Variants in PBX3 observed in about 807,000 individuals in gnomAD.
The protein encoded by PBX3 is PBX homeobox 3, also known as pre-B-cell leukemia transcription factor 3.
In PBX3, 14 loss-of-function variants were observed where a neutral mutation model predicts 48.5. The ratio of observed to expected loss-of-function variants is 0.29; its 90% CI spans 0.19 to 0.45. The LOEUF (loss-of-function observed/expected upper bound fraction) is 0.45. Ranked by LOEUF, PBX3 falls within the 20% of genes least tolerant of loss-of-function variation. The pLI, the probability that PBX3 is intolerant of heterozygous loss-of-function variation, is 1.00. For synonymous variants in PBX3, 210 were observed against 200.3 expected (o/e 1.05, Z -0.41); for missense variants, 386 against 546.7 (o/e 0.71, Z 2.93).
chr9:125,771,624 C>A (rs1316099077), intron 2 of PBX3, among the ~76,000 whole-genome samples: 2 of 152,014 alleles, frequency 1.3e-5, no homozygotes, highest in Admixed American at 1.3e-4. Flanking sequence ...GATGTAAAAT[C>A]ATATCTTTTT....
chr9:125,800,502 C>A (rs1837907948), intron 2 of PBX3, among the ~76,000 whole-genome samples: 1 of 152,018 alleles, frequency 6.6e-6, no homozygotes, highest in Non-Finnish European at 1.5e-5. Context: ...ATTATTATAC[C>A]TATTTAGTAC....
intron 2 of PBX3, among the ~76,000 whole-genome samples, chr9:125,894,454 A>G (rs1031061020): frequency 6.6e-6 from 1 of 152,104 alleles, no homozygotes; most frequent in Non-Finnish European, 1.5e-5. Flanking sequence ...TGTTATTCCT[A>G]TTAAGATATG....
At chr9:125,945,352 T>TA (rs1842044388) in intron 5 of PBX3, among the ~76,000 whole-genome samples, 1 of 152,198 alleles carries the variant, frequency 6.6e-6, no homozygotes, top group South Asian at 2.1e-4. Context: ...TAATTATTGT[T>TA]ACGCAGTTTC....
At chr9:125,907,385 G>A (rs187958327) in intron 2 of PBX3, among the ~76,000 whole-genome samples, 6 of 152,038 alleles carry the variant, frequency 3.9e-5, no homozygotes, top group African/African-American at 1.4e-4. Flanking sequence ...TATACTTCAA[G>A]ATTATAATGT....
intron 2 of PBX3, among the ~76,000 whole-genome samples, chr9:125,793,969 G>T (rs1338420734): frequency 6.6e-6 from 1 of 152,134 alleles, no homozygotes; most frequent in East Asian, 1.9e-4. Context: ...ATAAACTTCT[G>T]TGTACCCAAT....
At chr9:125,836,172 G>A (rs567580600) in intron 2 of PBX3, among the ~76,000 whole-genome samples, 53 of 152,270 alleles carry the variant, frequency 3.5e-4, no homozygotes, top group Non-Finnish European at 6.8e-4. Flanking sequence ...TTGGCTGGGC[G>A]CGGTGGCTCA....
intron 2 of PBX3, among the ~76,000 whole-genome samples, chr9:125,874,195 G>A (rs1267188999): frequency 6.6e-6 from 1 of 152,020 alleles, no homozygotes; most frequent in African/African-American, 2.4e-5. Flanking sequence ...AATAAAACCA[G>A]TAGTTTAAAA....
Position 125,960,848 on chromosome 9 carries a change from C to T in PBX3, c.1008C>T (p.Ser336=), listed in dbSNP as rs200644689. ...CCAATTCGCCCACCACACCAAATTC[C>T]GGTGCGTACTGGGGGCTCGCTCCCC... The part of the protein sequence containing the change: ...NQTNSPTTPN[S]GSSGSFNLPN... Residue 336 remains serine, a splice_region_variant and synonymous_variant, in exon 6 of 9, where the codon TCC becomes TCT. Coordinates refer to ENST00000373489, the MANE Select transcript of PBX3 (RefSeq NM_006195.6). The T allele has an allele frequency of 1.4e-4, 227 of 1,613,656 alleles. 1 individual carries two copies. The highest frequency in any genetic ancestry group is 1.1e-4 in the Non-Finnish European group (129 of 1,179,720).
intron 2 of PBX3, among the ~76,000 whole-genome samples, chr9:125,870,609 G>A (rs564712763): frequency 6.6e-6 from 1 of 152,316 alleles, no homozygotes; most frequent in Non-Finnish European, 1.5e-5. Context: ...CAAATTGTGG[G>A]AGCTACAATT....
intron 2 of PBX3, among the ~76,000 whole-genome samples, chr9:125,846,619 C>G (rs2132246341): frequency 6.6e-6 from 1 of 152,058 alleles, no homozygotes; most frequent in East Asian, 1.9e-4. Flanking sequence ...AACTTATGGC[C>G]AATCCTGCCC....
chr9:125,933,260 T>C (rs1024598351), intron 4 of PBX3, among the ~76,000 whole-genome samples: 1 of 152,242 alleles, frequency 6.6e-6, no homozygotes, highest in Non-Finnish European at 1.5e-5. Context: ...CCCATGCTCA[T>C]GTTTGCTTCA....
chr9:125,768,754 A>G (rs1836864527), intron 2 of PBX3, among the ~76,000 whole-genome samples: 1 of 152,212 alleles, frequency 6.6e-6, no homozygotes, highest in Non-Finnish European at 1.5e-5. Flanking sequence ...AAAGAGTATT[A>G]CCACCAAACT....
At chr9:125,928,681 G>T (rs1254975303) in intron 3 of PBX3, among the ~76,000 whole-genome samples, 2 of 152,068 alleles carry the variant, frequency 1.3e-5, no homozygotes, top group African/African-American at 4.8e-5. Context: ...TAGCCAGGAT[G>T]GTCTCGATCT....
chr9:125,811,413 A>G (rs1018472715), intron 2 of PBX3, among the ~76,000 whole-genome samples: 2 of 152,190 alleles, frequency 1.3e-5, no homozygotes, highest in Non-Finnish European at 2.9e-5. Context: ...AGGTGGAGAT[A>G]ATTGAATCAT....
intron 2 of PBX3, among the ~76,000 whole-genome samples, chr9:125,900,298 G>A (rs926545087): frequency 2.2e-5 from 3 of 137,868 alleles, no homozygotes; most frequent in African/African-American, 8.1e-5. Flanking sequence ...GCATTTTTCT[G>A]ATTCTCTGTT....
chr9:125,923,150 C>T (rs1005314020), intron 3 of PBX3, among the ~76,000 whole-genome samples: 5 of 152,184 alleles, frequency 3.3e-5, no homozygotes, highest in Non-Finnish European at 7.3e-5. Flanking sequence ...TTTTTAGATG[C>T]AGACACTTTT....
chr9:125,870,353 G>A (rs1840091043), intron 2 of PBX3, among the ~76,000 whole-genome samples: 1 of 152,164 alleles, frequency 6.6e-6, no homozygotes. Context: ...ACAGGTGTGA[G>A]CCACCACGCC....
At chr9:125,802,871 G>A (rs1346743598) in intron 2 of PBX3, among the ~76,000 whole-genome samples, 1 of 151,846 alleles carries the variant, frequency 6.6e-6, no homozygotes, top group Admixed American at 6.6e-5. Context: ...TAGAGACAAG[G>A]TTTCCCCATA....
intron 2 of PBX3, among the ~76,000 whole-genome samples, chr9:125,798,102 A>G (rs906198874): frequency 6.6e-6 from 1 of 152,196 alleles, no homozygotes; most frequent in Non-Finnish European, 1.5e-5. Context: ...ATATAAAGCA[A>G]GTATTTTAAT....
Sources: allele counts gnomAD v4.1 joint callset (sites outside exome capture counted in the v4.1 genomes callset), GRCh38; gene constraint gnomAD v4.1.1; transcripts MANE v1.5; gene names NCBI Gene and HGNC (gene_info 2026-07-23, HGNC 2026-07-21).